SENP7: variants seen among roughly 807,000 people sequenced by gnomAD.
SENP7 encodes the protein sentrin-specific protease 7.
Under a neutral mutation model 141.2 loss-of-function variants are expected in SENP7, and 64 were observed. The ratio of observed to expected loss-of-function variants is 0.45; its 90% CI spans 0.37 to 0.56. The LOEUF (loss-of-function observed/expected upper bound fraction) is 0.56. Among genes scored for constraint, SENP7 ranks in the 20% least tolerant of loss-of-function variants. The pLI, the probability that SENP7 is intolerant of heterozygous loss-of-function variation, is 0.00. For synonymous variants in SENP7, 382 were observed against 426.4 expected, an observed-to-expected ratio of 0.90 and a Z score of 1.28; for missense variants, 1,025 against 1,212.2, an observed-to-expected ratio of 0.85 and a Z score of 2.29.
intron 11 of SENP7, among the ~76,000 whole-genome samples, chr3:101,354,972 T>A (rs1227703551): frequency 6.6e-6 from 1 of 152,132 alleles, no homozygotes; most frequent in Non-Finnish European, 1.5e-5. Context: ...TCTCTAATGA[T>A]CAGTGATATT....
intron 5 of SENP7, among the ~76,000 whole-genome samples, chr3:101,415,473 A>G (rs1325166447): frequency 6.6e-6 from 1 of 151,698 alleles, no homozygotes; most frequent in Non-Finnish European, 1.5e-5. Flanking sequence ...ATATACTAGT[A>G]TCTAGGAATG....
chr3:101,373,050 G>A (rs2060224576), intron 6 of SENP7, among the ~76,000 whole-genome samples: 1 of 151,912 alleles, frequency 6.6e-6, no homozygotes, highest in Admixed American at 6.5e-5. Context: ...CTTGTTTTGA[G>A]AGAATTATTT....
chr3:101,433,659 TAAG>T (rs2062269873), intron 4 of SENP7, among the ~76,000 whole-genome samples: 1 of 152,032 alleles, frequency 6.6e-6, no homozygotes, highest in African/African-American at 2.4e-5. Context: ...ACTAAAATGA[TAAG>T]AAGAGACAAA....
intron 1 of SENP7, among the ~76,000 whole-genome samples, chr3:101,502,171 T>C (rs920927094): frequency 2.6e-5 from 4 of 152,232 alleles, no homozygotes; most frequent in African/African-American, 9.6e-5. Flanking sequence ...CTGTAGCTCA[T>C]GAGCATGATG....
intron 5 of SENP7, chr3:101,414,552 C>G: frequency 6.2e-7 from 1 of 1,603,840 alleles, no homozygotes; most frequent in East Asian, 2.2e-5. Flanking sequence ...GTTGTGTGAC[C>G]AAGTGTGTGG....
chr3:101,332,221 C>T lies in SENP7; in HGVS notation c.2574-112G>A, dbSNP rs1199565991. The T allele has an allele frequency of 3.8e-6, 4 of 1,052,194 alleles. No homozygotes were observed. In the African/African-American group the frequency reaches 4.8e-5, roughly 13 times the overall value. 65.2% of individuals were successfully genotyped at this position (1,052,194 alleles called of 1,614,324 possible). On this transcript the variant is annotated intron_variant, in intron 18 of 23. Coordinates refer to ENST00000394095, the MANE Select transcript of SENP7 (RefSeq NM_020654.5). ...ATAAATTTCATATTAATTTTGAAGA[C>T]ATCCACTGTAACATCTCATTATAAT... is the stretch of plus-strand genomic sequence containing the variant.
intron 6 of SENP7, among the ~76,000 whole-genome samples, chr3:101,383,437 G>A (rs1458201072): frequency 5.9e-5 from 9 of 152,164 alleles, no homozygotes; most frequent in Non-Finnish European, 7.3e-5. Flanking sequence ...TTGGAGGGGC[G>A]GGAGTCCTGC....
intron 4 of SENP7, among the ~76,000 whole-genome samples, chr3:101,423,836 C>T (rs552855096): frequency 2.0e-5 from 3 of 152,222 alleles, no homozygotes; most frequent in South Asian, 2.1e-4. Flanking sequence ...TCCACTCTCC[C>T]GAAGGGTCTC....
At chr3:101,356,389 A>G (rs1173088274) in intron 11 of SENP7, among the ~76,000 whole-genome samples, 2 of 152,220 alleles carry the variant, frequency 1.3e-5, no homozygotes, top group African/African-American at 4.8e-5. Context: ...ATAAAATAAC[A>G]GCATAAAGTA....
chr3:101,453,961 A>G (rs1359112051), intron 4 of SENP7, among the ~76,000 whole-genome samples: 4 of 152,156 alleles, frequency 2.6e-5, no homozygotes, highest in Non-Finnish European at 1.5e-5. Flanking sequence ...CAAAACCACA[A>G]TGAGATACCA....
In SENP7 at chr3:101,353,341, T is replaced by C. The variant is rs114008099; in HGVS notation, c.1624-1690A>G. Reference sequence around the variant, plus strand: ...AAAGTAGAAGTAGTGCATCTGCATGTCCCCACCCACTACTTACTACACTAT... The same window carrying C: ...AAAGTAGAAGTAGTGCATCTGCATGCCCCCACCCACTACTTACTACACTAT... On this transcript the variant is annotated intron_variant, in intron 11 of 23. Transcript: ENST00000394095. Among the ~76,000 whole-genome samples, 734 of 152,042 alleles carry C rather than the reference T, an allele frequency of 4.8e-3. 5 individuals are homozygous for C. The highest frequency in any genetic ancestry group is 0.017 in the African/African-American group (694 of 41,558).
chr3:101,353,927 T>C (rs753074053), intron 11 of SENP7, among the ~76,000 whole-genome samples: 2 of 151,956 alleles, frequency 1.3e-5, no homozygotes, highest in Non-Finnish European at 2.9e-5. Context: ...TAAATTAATT[T>C]AATTCTCTAA....
chr3:101,438,096 C>A (rs1375130772), intron 4 of SENP7, among the ~76,000 whole-genome samples: 2 of 152,144 alleles, frequency 1.3e-5, no homozygotes, highest in East Asian at 3.8e-4. Flanking sequence ...AATTCCACTT[C>A]TGGATATACA....
At chr3:101,506,297 G>C (rs141950116) in intron 1 of SENP7, among the ~76,000 whole-genome samples, 4 of 152,190 alleles carry the variant, frequency 2.6e-5, no homozygotes, top group East Asian at 1.9e-4. Flanking sequence ...TGGGATTACA[G>C]GCATGGGCCA....
chr3:101,382,545 G>C lies in SENP7; in HGVS notation c.678-10419C>G, dbSNP rs116696554. ...AATTAAATTAGACTTCTTTACATTA[G>C]CAGTTATAAAGTATTTCTAAAAATC... On this transcript the variant is annotated intron_variant, in intron 6 of 23. Coordinates refer to ENST00000394095, the MANE Select transcript of SENP7 (RefSeq NM_020654.5). 7.8e-3 allele frequency among the ~76,000 whole-genome samples: 1,182 copies of C among 152,166 alleles called. 21 individuals carry two copies. Among genetic ancestry groups the C allele is most frequent in the African/African-American group, 0.028 (1,144 of 41,506 alleles).
At chr3:101,452,791 G>A (rs2063193789) in intron 4 of SENP7, among the ~76,000 whole-genome samples, 1 of 152,164 alleles carries the variant, frequency 6.6e-6, no homozygotes. Flanking sequence ...ATATCATTCA[G>A]GACATAGGCA....
intron 3 of SENP7, among the ~76,000 whole-genome samples, chr3:101,478,511 C>G (rs1318638438): frequency 1.3e-5 from 2 of 152,068 alleles, no homozygotes; most frequent in Admixed American, 1.3e-4. Flanking sequence ...GACAACAGAG[C>G]AAGACCCTGT....
In SENP7 at chr3:101,330,374, C is replaced by G. The variant is rs61761868; in HGVS notation, c.2711G>C (p.Arg904Pro). 995 of 1,605,310 alleles carry G rather than the reference C, an allele frequency of 6.2e-4. 1 individual carries two copies. The highest frequency in any genetic ancestry group is 8.1e-4 in the Non-Finnish European group (952 of 1,173,014). ...NDNKTIDNDL[R>P]TTSTLSLSAE... ...ACTCAAAGACAGTGTCGAAGTAGTA[C>G]GTAGATCATTATCTAGTTAGAAATA... Residue 904 changes from arginine (R) to proline (P), a missense_variant, in exon 20 of 24, where the codon CGT (arginine) becomes CCT (proline). Physicochemically the swap from Arg to Pro is moderately radical, Grantham distance 103. Transcript: ENST00000394095.
chr3:101,401,636 C>T (rs1407714809), intron 5 of SENP7, among the ~76,000 whole-genome samples: 1 of 152,104 alleles, frequency 6.6e-6, no homozygotes, highest in African/African-American at 2.4e-5. Context: ...TTATAGTAGT[C>T]TGAATACAAC....
Sources: allele counts gnomAD v4.1 joint callset (sites outside exome capture counted in the v4.1 genomes callset), GRCh38; gene constraint gnomAD v4.1.1; transcripts MANE v1.5; gene names NCBI Gene and HGNC (gene_info 2026-07-23, HGNC 2026-07-21).